Variants in ROBO2 observed in about 807,000 individuals in gnomAD.
ROBO2 encodes roundabout guidance receptor 2, also known as roundabout homolog 2.
A neutral mutation model predicts 160.8 loss-of-function variants in ROBO2; 53 were observed. The ratio of observed to expected loss-of-function variants is 0.33; its 90% confidence interval spans 0.26 to 0.41. The LOEUF (loss-of-function observed/expected upper bound fraction) is 0.41, where lower values mean the gene tolerates loss of function less well. ROBO2 is among the 10% of genes least tolerant of loss of function. ROBO2 has a pLI of 1.00. For missense variants in ROBO2, 1,577 were observed against 1,722.4 expected, an observed-to-expected ratio of 0.92 and a Z score of 1.49; for synonymous variants, 664 against 611.7, an observed-to-expected ratio of 1.09 and a Z score of -1.26.
chr3:76,969,062 A>G (rs569155389), intron 2 of ROBO2, among the ~76,000 whole-genome samples: 1 of 152,306 alleles, frequency 6.6e-6, no homozygotes, highest in South Asian at 2.1e-4. Context: ...TTATTAAATA[A>G]AGACTTGGAG....
At chr3:76,141,056 C>CATATATATATATATATATATATATAT (rs1467448213) in intron 2 of ROBO2, among the ~76,000 whole-genome samples, 10 of 6,132 alleles carry the variant, frequency 1.6e-3, no homozygotes, top group African/African-American at 1.9e-3. Context: ...TGTCTTTTTA[C>CATATATATATATATATATATATATAT]ATACATATAT....
At chr3:77,178,866 ATACT>A (rs772185143) in intron 2 of ROBO2, among the ~76,000 whole-genome samples, 5 of 152,140 alleles carry the variant, frequency 3.3e-5, no homozygotes, top group Middle Eastern at 3.4e-3. Flanking sequence ...TTGTTAAGAA[ATACT>A]TACGCTGTTC....
intron 2 of ROBO2, among the ~76,000 whole-genome samples, chr3:75,992,973 A>G (rs576065051): frequency 3.0e-4 from 45 of 150,376 alleles, no homozygotes; most frequent in Middle Eastern, 3.4e-3. Context: ...GTATTTACAC[A>G]ATACCTGTAC....
intron 2 of ROBO2, among the ~76,000 whole-genome samples, chr3:76,051,646 C>T (rs2067656864): frequency 1.3e-5 from 2 of 152,026 alleles, no homozygotes; most frequent in African/African-American, 4.8e-5. Context: ...TATTTGCTAC[C>T]ACTCTACTTG....
chr3:77,091,694 G>A (rs57151322), intron 1 of ROBO2, among the ~76,000 whole-genome samples: 46,783 of 151,712 alleles, frequency 0.31, 8,167 homozygotes, highest in East Asian at 0.54. Flanking sequence ...CTAAGAATCT[G>A]GTGGCCAGGT....
Position 76,073,267 on chromosome 3 carries a change from CTTTTTTTTTTTTTTTTTTTTTTTTTTTT to C in ROBO2, c.109+135682_109+135709del, listed in dbSNP as rs869307615. 5.1e-4 allele frequency among the ~76,000 whole-genome samples: 29 copies of C among 57,402 alleles called. 1 individual carries two copies. In the South Asian group the frequency reaches 5.5e-3, roughly 11 times the overall value. 37.7% of individuals were successfully genotyped at this position (57,402 alleles called of 152,430 possible). ...TTGTAAACTTCTCAGAATGAGTATTCTTTTTTTTTTTTTTTTTTTTTTTTTTTTTTTTTTTTTTTTTTTTGAGACGGAG... is the reference window on the plus strand; with the variant it reads ...TTGTAAACTTCTCAGAATGAGTATTCTTTTTTTTTTTTTTTTGAGACGGAG... On this transcript the variant is annotated intron_variant, in intron 2 of 26. Transcript: ENST00000487694.
At chr3:76,342,579 G>A (rs187939589) in intron 2 of ROBO2, among the ~76,000 whole-genome samples, 6 of 152,136 alleles carry the variant, frequency 3.9e-5, no homozygotes, top group East Asian at 3.9e-4. Context: ...TGCTCTGGAT[G>A]GATACACTAT....
In ROBO2 at chr3:75,988,258, G is replaced by A. The variant is rs137910657; in HGVS notation, c.109+50656G>A. 1.8e-4 allele frequency among the ~76,000 whole-genome samples: 27 copies of A among 151,926 alleles called. No homozygotes were observed. In the East Asian group the frequency reaches 3.7e-3, roughly 21 times the overall value. ...TCTATTTTTTCATGATTTAGTCTTC[G>A]TATGTTGCATATTTCTAGGAATTTG... On this transcript the variant is annotated intron_variant, in intron 2 of 26. Transcript: ENST00000487694.
chr3:77,282,486 TTTA>T (rs1201322979), intron 2 of ROBO2, among the ~76,000 whole-genome samples: 1 of 151,978 alleles, frequency 6.6e-6, no homozygotes, highest in Non-Finnish European at 1.5e-5. Context: ...ACATGCTTTC[TTTA>T]TTATTAATAT....
At chr3:76,480,917 A>G (rs1437423029) in intron 2 of ROBO2, among the ~76,000 whole-genome samples, 3 of 152,188 alleles carry the variant, frequency 2.0e-5, no homozygotes, top group Non-Finnish European at 2.9e-5. Flanking sequence ...CAACTTTTCA[A>G]TTTTTGATTC....
intron 2 of ROBO2, among the ~76,000 whole-genome samples, chr3:76,764,148 A>G (rs1488732315): frequency 2.0e-5 from 3 of 151,718 alleles, no homozygotes; most frequent in Admixed American, 6.6e-5. Context: ...GAGAATTAGA[A>G]TATAGAATCT....
At chr3:76,928,364 C>T (rs915006103) in intron 2 of ROBO2, among the ~76,000 whole-genome samples, 24 of 151,880 alleles carry the variant, frequency 1.6e-4, no homozygotes, top group African/African-American at 5.8e-4. Flanking sequence ...TTCCGAGCTG[C>T]AGAGCTAGAA....
rs1166190175 is a variant in ROBO2 at position 77,140,689 on chromosome 3, T to C, written c.388+42349T>C. Among the ~76,000 whole-genome samples the C allele has an allele frequency of 2.0e-5, 3 of 152,144 alleles. 1 individual carries two copies. The highest frequency in any genetic ancestry group is 2.0e-4 in the Admixed American group (3 of 15,254). On this transcript the variant is annotated intron_variant, in intron 2 of 25. Coordinates refer to ENST00000461745, the Ensembl canonical transcript of ROBO2. ...TACCTTCAATACTCCCAACACTTTG[T>C]CCTCCCAGAATATGATATGAGGTTA...
At position 77,562,645 on chromosome 3, in the gene ROBO2, C is replaced by T; in HGVS notation, c.1438-6C>T. ...AATTTAATTCTCTCCCTTCTGTGCACACTAGATTTCTGATACTGGCACTTA... is the reference window on the plus strand; with the variant it reads ...AATTTAATTCTCTCCCTTCTGTGCATACTAGATTTCTGATACTGGCACTTA... On this transcript the variant is annotated splice_region_variant and splice_polypyrimidine_tract_variant and intron_variant, in intron 9 of 25. Coordinates refer to ENST00000461745, the Ensembl canonical transcript of ROBO2. 3 of 1,605,970 alleles carry T rather than the reference C, an allele frequency of 1.9e-6. No individual in the cohort carries two copies. The highest frequency in any genetic ancestry group is 8.5e-7 in the Non-Finnish European group (1 of 1,173,258).
chr3:77,111,039 G>C (rs2073513020), intron 2 of ROBO2, among the ~76,000 whole-genome samples: 3 of 152,096 alleles, frequency 2.0e-5, no homozygotes, highest in Admixed American at 1.3e-4. Context: ...AAAATCCTTT[G>C]TGTCTAGAAT....
In ROBO2 at chr3:76,567,807, A is replaced by ATT. The variant is rs762639441; in HGVS notation, c.110-530192_110-530191dup. On this transcript the variant is annotated intron_variant, in intron 2 of 26. Coordinates refer to the ROBO2 transcript ENST00000487694. ...TGTGTGTGTGTGTGTGTATATATAT[A>ATT]TTTTTTTTTTTTTTTTGGGGGGGGT... 5.0e-3 allele frequency among the ~76,000 whole-genome samples: 365 copies of ATT among 72,320 alleles called. 5 individuals are homozygous for ATT. The highest frequency in any genetic ancestry group is 8.4e-3 in the Non-Finnish European group (317 of 37,800). 47.4% of individuals were successfully genotyped at this position (72,320 alleles called of 152,430 possible).
intron 2 of ROBO2, among the ~76,000 whole-genome samples, chr3:77,128,636 A>T (rs1279211638): frequency 6.6e-6 from 1 of 152,132 alleles, no homozygotes; most frequent in East Asian, 1.9e-4. Context: ...TTCCCATATT[A>T]TGTTTTTCTT....
At chr3:76,782,802 G>A (rs186685337) in intron 2 of ROBO2, among the ~76,000 whole-genome samples, 3 of 150,236 alleles carry the variant, frequency 2.0e-5, no homozygotes, top group East Asian at 2.0e-4. Flanking sequence ...GTAGAATCTC[G>A]TTTTTTTATC....
At chr3:76,265,974 T>C (rs535563574) in intron 2 of ROBO2, among the ~76,000 whole-genome samples, 1 of 152,172 alleles carries the variant, frequency 6.6e-6, no homozygotes, top group Non-Finnish European at 1.5e-5. Context: ...TCTTCAAGAA[T>C]ATAATTTTAC....
Sources: gnomAD v4.1 joint callset for allele counts (sites outside exome capture counted in the v4.1 genomes callset) on GRCh38, gnomAD v4.1.1 for gene constraint, MANE v1.5 for transcripts, NCBI Gene and HGNC (gene_info 2026-07-23, HGNC 2026-07-21) for gene names.